GAS7: variants seen among roughly 807,000 people sequenced by gnomAD.
GAS7 encodes the protein growth arrest-specific protein 7.
In GAS7, 28 loss-of-function variants were observed where a neutral mutation model predicts 71.1. That is an observed-to-expected ratio of 0.39 (90% CI 0.29 to 0.54). The LOEUF is 0.54. GAS7 is among the 20% of genes least tolerant of loss of function. The pLI, the probability that GAS7 is intolerant of heterozygous loss-of-function variation, is 0.62. For synonymous variants in GAS7, 258 were observed against 245.8 expected (o/e 1.05, Z -0.46); for missense variants, 436 against 627.8 (o/e 0.69, Z 3.27).
chr17:9,968,225 C>T (rs1456090262), intron 4 of GAS7, among the ~76,000 whole-genome samples: 1 of 152,134 alleles, frequency 6.6e-6, no homozygotes, highest in African/African-American at 2.4e-5. Context: ...CATACAAAGC[C>T]ACGGTTGATT....
In GAS7 at chr17:10,026,136, C is replaced by T; in HGVS notation, c.184-6239G>A. Reference sequence around the variant, plus strand: ...CTCCCCCTCCGGAGGTTTCTGAGAACACCTGACTCTTACCTTATCCTAAAG... The same window carrying T: ...CTCCCCCTCCGGAGGTTTCTGAGAATACCTGACTCTTACCTTATCCTAAAG... On this transcript the variant is annotated intron_variant, in intron 1 of 13. Coordinates refer to ENST00000432992, the MANE Select transcript of GAS7 (RefSeq NM_201433.2). This position sits in a 1 kb window ranked among gnomAD's most constrained non-coding sequence, Gnocchi z 4.5. The T allele has an allele frequency of 2.0e-6, 2 of 984,292 alleles. No individual in the cohort carries two copies. The highest frequency in any genetic ancestry group is 5.2e-4 in the Middle Eastern group (1 of 1,914). The allele number at this position is 984,292 out of a possible 1,614,324, so 61.0% of individuals were successfully genotyped here.
Position 9,926,532 on chromosome 17 carries a change from G to T in GAS7, c.1014+109C>A. 8.4e-7 allele frequency: 1 copy of T among 1,196,926 alleles called. No homozygotes were observed. Among genetic ancestry groups the T allele is most frequent in the Non-Finnish European group, 1.2e-6 (1 of 828,202 alleles). The allele number at this position is 1,196,926 out of a possible 1,614,324, so 74.1% of individuals were successfully genotyped here. A position where few individuals can be genotyped will look rare whatever the true frequency, so the allele number is the denominator to read the frequency against. ...GACATCCCCCTATTCCCCTACCTGGGGACAAAGACTCAGCCTTGGCGTATG... is the reference window on the plus strand; with the variant it reads ...GACATCCCCCTATTCCCCTACCTGGTGACAAAGACTCAGCCTTGGCGTATG... On this transcript the variant is annotated intron_variant, in intron 10 of 13. Coordinates refer to ENST00000432992, the MANE Select transcript of GAS7 (RefSeq NM_201433.2). The surrounding 1 kb of genome is among the most constrained non-coding windows in gnomAD (Gnocchi z 5.0).
chr17:9,965,478 C>G (rs2069668275), intron 4 of GAS7, among the ~76,000 whole-genome samples: 1 of 152,038 alleles, frequency 6.6e-6, no homozygotes, highest in Non-Finnish European at 1.5e-5. Context: ...CATATGGACA[C>G]CGGTGGGGGA....
At chr17:10,052,167 A>G (rs2073071244) in intron 1 of GAS7, among the ~76,000 whole-genome samples, 1 of 152,152 alleles carries the variant, frequency 6.6e-6, no homozygotes, top group Non-Finnish European at 1.5e-5. Flanking sequence ...CGAGCCCCAG[A>G]AACAAACCTG....
At position 10,026,443 on chromosome 17, in the gene GAS7, T is replaced by C. The variant is rs536872125; in HGVS notation, c.184-6546A>G. 1.2e-4 allele frequency: 28 copies of C among 230,094 alleles called. 1 individual carries two copies. The highest frequency in any genetic ancestry group is 3.2e-4 in the South Asian group (2 of 6,338). The allele number at this position is 230,094 out of a possible 1,614,324, so 14.3% of individuals were successfully genotyped here. The stretch of plus-strand genomic sequence containing the variant: ...CTTGCTAATGAGCCCAGTGCCGTGA[T>C]TGGCACTGCTTGAAGGCTCCTCCAC... On this transcript the variant is annotated intron_variant, in intron 1 of 13. Transcript: ENST00000432992. This position sits in a 1 kb window ranked among gnomAD's most constrained non-coding sequence, Gnocchi z 4.5.
At chr17:9,980,285 C>A (rs957605432) in intron 3 of GAS7, among the ~76,000 whole-genome samples, 3 of 152,152 alleles carry the variant, frequency 2.0e-5, no homozygotes, top group Non-Finnish European at 4.4e-5. Flanking sequence ...GGTCTCAATG[C>A]TAGACAATAT....
intron 1 of GAS7, among the ~76,000 whole-genome samples, chr17:10,106,790 C>G (rs200441814): frequency 1.1e-4 from 15 of 136,860 alleles, no homozygotes; most frequent in African/African-American, 2.2e-4. Flanking sequence ...GCCCCCCCCC[C>G]CAAATATATT....
intron 1 of GAS7, among the ~76,000 whole-genome samples, chr17:10,062,665 T>C (rs2073232317): frequency 6.6e-6 from 1 of 152,220 alleles, no homozygotes; most frequent in Admixed American, 6.5e-5. Context: ...TATCCTGATG[T>C]GAATAACTTT....
intron 2 of GAS7, among the ~76,000 whole-genome samples, chr17:10,011,294 G>A (rs1316868493): frequency 2.6e-5 from 4 of 152,216 alleles, no homozygotes; most frequent in Non-Finnish European, 5.9e-5. Flanking sequence ...TCTGCATGGT[G>A]GAATCTGGCT....
chr17:9,947,012 C>A, intron 5 of GAS7, 29 bp from the exon 6 acceptor site: 1 of 1,489,818 alleles, frequency 6.7e-7, no homozygotes, highest in Non-Finnish European at 9.4e-7. Flanking sequence ...GAAAGAATGA[C>A]CCCGCTGGAG....
At chr17:10,089,649 T>C (rs2073559531) in intron 1 of GAS7, among the ~76,000 whole-genome samples, 1 of 152,250 alleles carries the variant, frequency 6.6e-6, no homozygotes, top group South Asian at 2.1e-4. Flanking sequence ...ACAACCTAGT[T>C]GTCAGTAAAG....
intron 1 of GAS7, among the ~76,000 whole-genome samples, chr17:10,081,847 T>A (rs1302535167): frequency 2.0e-5 from 3 of 152,176 alleles, no homozygotes; most frequent in Non-Finnish European, 4.4e-5. Context: ...GAAAAACAAT[T>A]TGACACTATT....
chr17:9,935,390 G>A (rs72824227), intron 8 of GAS7, among the ~76,000 whole-genome samples: 1 of 152,282 alleles, frequency 6.6e-6, no homozygotes, highest in Non-Finnish European at 1.5e-5. Context: ...TCTATGATTT[G>A]GAGCTCTTTA....
At chr17:10,061,763 C>A (rs763095312) in intron 1 of GAS7, among the ~76,000 whole-genome samples, 1 of 152,240 alleles carries the variant, frequency 6.6e-6, no homozygotes, top group South Asian at 2.1e-4. Flanking sequence ...TCTCCCACAG[C>A]GAACTGTGCT....
intron 9 of GAS7, among the ~76,000 whole-genome samples, chr17:9,931,223 A>C (rs1331298452): frequency 1.3e-5 from 2 of 151,762 alleles, no homozygotes; most frequent in African/African-American, 4.8e-5. Context: ...ATCTCACCCC[A>C]CCTCTTCTCA....
At chr17:9,943,499 G>A (rs2068681061) in intron 6 of GAS7, among the ~76,000 whole-genome samples, 1 of 152,186 alleles carries the variant, frequency 6.6e-6, no homozygotes, top group Non-Finnish European at 1.5e-5. Flanking sequence ...GGAACTGAGA[G>A]GAAGAAGGGC....
At chr17:10,105,268 C>A (rs2073746015) in intron 1 of GAS7, among the ~76,000 whole-genome samples, 1 of 152,178 alleles carries the variant, frequency 6.6e-6, no homozygotes, top group African/African-American at 2.4e-5. Context: ...TCTTGCCTTC[C>A]AGGTGTGGTG....
intron 1 of GAS7, among the ~76,000 whole-genome samples, chr17:10,050,272 C>T (rs901309285): frequency 6.6e-6 from 1 of 151,966 alleles, no homozygotes; most frequent in African/African-American, 2.4e-5. Flanking sequence ...AATGGCAAGA[C>T]AGTTGGTGGG....
chr17:10,125,408 T>A (rs2073936573), intron 1 of GAS7, among the ~76,000 whole-genome samples: 2 of 151,462 alleles, frequency 1.3e-5, no homozygotes, highest in Admixed American at 1.3e-4. Flanking sequence ...TCCCAGCTAC[T>A]CGGGAGGCTG....
Sources: gnomAD v4.1 joint callset for allele counts (sites outside exome capture counted in the v4.1 genomes callset) on GRCh38, gnomAD v4.1.1 for gene constraint, Gnocchi (gnomAD v3.1) non-coding constraint, MANE v1.5 for transcripts, NCBI Gene and HGNC (gene_info 2026-07-23, HGNC 2026-07-21) for gene names.